DNASE2B: variants seen among roughly 807,000 people sequenced by gnomAD.
DNASE2B encodes deoxyribonuclease-2-beta.
A neutral mutation model predicts 46.0 loss-of-function variants in DNASE2B; 43 were observed. That is an observed-to-expected ratio of 0.94 (90% CI 0.73 to 1.21). The LOEUF is 1.21. DNASE2B is among the 50% of genes most tolerant of loss of function. The pLI is 0.00. For missense variants in DNASE2B, 395 were observed against 414.4 expected (o/e 0.95, Z 0.41); for synonymous variants, 156 against 152.5 (o/e 1.02, Z -0.17).
intron 1 of DNASE2B, among the ~76,000 whole-genome samples, chr1:84,400,323 G>A (rs955489415): frequency 1.3e-5 from 2 of 152,018 alleles, no homozygotes; most frequent in Admixed American, 6.6e-5. Context: ...AACCAAGATC[G>A]TGCCATTGCA....
At position 84,398,916 on chromosome 1, in the gene DNASE2B, C is replaced by T. The variant is rs187238151; in HGVS notation, c.125+227C>T. On this transcript the variant is annotated intron_variant, in intron 1 of 5. Coordinates refer to ENST00000370665, the MANE Select transcript of DNASE2B (RefSeq NM_021233.3). ...AGCAGCCCCTCTTGGGCCTGATTCA[C>T]TGTTCTCAGCGGGGCAAGGCTGGTA... 3.1e-3 allele frequency among the ~76,000 whole-genome samples: 474 copies of T among 152,346 alleles called. 1 individual carries two copies. The highest frequency in any genetic ancestry group is 5.1e-3 in the Non-Finnish European group (350 of 68,040).
intron 1 of DNASE2B, among the ~76,000 whole-genome samples, chr1:84,400,236 C>T (rs1558496427): frequency 1.3e-5 from 2 of 152,036 alleles, no homozygotes; most frequent in Non-Finnish European, 2.9e-5. Context: ...GGCATGGTGA[C>T]GCATGCCTGT....
At position 84,414,721 on chromosome 1, in the gene DNASE2B, G is replaced by A. The variant is rs766122330; in HGVS notation, c.939G>A (p.Lys313=). 33 of 1,614,036 alleles carry A rather than the reference G, an allele frequency of 2.0e-5. No homozygotes were observed. Among genetic ancestry groups the A allele is most frequent in the Non-Finnish European group, 2.7e-5 (32 of 1,180,026 alleles). ...ATGCCAAGTGGTGTATTTCCCAAAA[G>A]GGCACCAAAAATCGCTGGACATGTA... is the stretch of plus-strand genomic sequence containing the variant. The part of the protein sequence containing the change: ...QDHAKWCISQ[K]GTKNRWTCIG... The change falls in exon 6 of 6, where the codon AAG becomes AAA. Residue 313 remains lysine (K), a synonymous_variant. Transcript: ENST00000370665.
At chr1:84,404,416 C>T (rs945719735) in intron 2 of DNASE2B, among the ~76,000 whole-genome samples, 1 of 152,182 alleles carries the variant, frequency 6.6e-6, no homozygotes, top group East Asian at 1.9e-4. Context: ...TTGTTTTGGG[C>T]TTGATGGCTT....
intron 5 of DNASE2B, 90 bp from the exon 6 acceptor site, chr1:84,414,438 T>C (rs1680656676): frequency 8.9e-7 from 1 of 1,129,694 alleles, no homozygotes; most frequent in Non-Finnish European, 1.2e-6. Context: ...ATATCAGGGG[T>C]GAAAGATGAT....
chr1:84,411,076 C>T, intron 4 of DNASE2B, 77 bp downstream of exon 4: 1 of 1,443,014 alleles, frequency 6.9e-7, no homozygotes, highest in Non-Finnish European at 9.5e-7. Flanking sequence ...ATAAATGTGT[C>T]ACTTCATTTG....
intron 1 of DNASE2B, 93 bp from the exon 2 acceptor site, chr1:84,401,808 G>T (rs3754275): frequency 0.043 from 42,737 of 1,003,336 alleles, 1,100 homozygotes; most frequent in African/African-American, 0.099. Flanking sequence ...CCATGAAACA[G>T]AAATGAGAGA....
intron 4 of DNASE2B, among the ~76,000 whole-genome samples, chr1:84,412,112 A>G (rs1251277249): frequency 6.6e-6 from 1 of 152,248 alleles, no homozygotes; most frequent in Admixed American, 6.5e-5. Context: ...GTTTGCTGTG[A>G]GGATTAAATG....
chr1:84,403,616 G>A (rs905599552), intron 2 of DNASE2B, among the ~76,000 whole-genome samples: 1 of 150,900 alleles, frequency 6.6e-6, no homozygotes, highest in Non-Finnish European at 1.5e-5. Flanking sequence ...AAGAGAGGCA[G>A]GCATACTCAG....
At chr1:84,400,522 G>A (rs1428791096) in intron 1 of DNASE2B, among the ~76,000 whole-genome samples, 2 of 152,184 alleles carry the variant, frequency 1.3e-5, no homozygotes, top group Admixed American at 6.5e-5. Context: ...CGGAGTTGGG[G>A]GTTAATGGGA....
intron 4 of DNASE2B, among the ~76,000 whole-genome samples, chr1:84,411,425 GGTGTGTGTGTGTGT>G (rs71097845): frequency 0.041 from 5,719 of 139,222 alleles, 167 homozygotes; most frequent in Non-Finnish European, 0.056. Flanking sequence ...AGAAACCTAG[GGTGTGTGTGTGTGT>G]GTGTGTGTGT....
chr1:84,403,805 T>C (rs1680457360), intron 2 of DNASE2B, among the ~76,000 whole-genome samples: 1 of 152,084 alleles, frequency 6.6e-6, no homozygotes, highest in African/African-American at 2.4e-5. Flanking sequence ...TTTTTTCTTT[T>C]GAGACAGGAT....
chr1:84,409,788 G>A (rs1478757856), intron 3 of DNASE2B, among the ~76,000 whole-genome samples: 1 of 152,158 alleles, frequency 6.6e-6, no homozygotes, highest in Admixed American at 6.6e-5. Flanking sequence ...AAGTGGAGGG[G>A]TTCTCTTGGC....
chr1:84,412,885 C>G (rs1455319411), intron 5 of DNASE2B, among the ~76,000 whole-genome samples: 1 of 151,996 alleles, frequency 6.6e-6, no homozygotes, highest in Non-Finnish European at 1.5e-5. Context: ...TGCACCCTCA[C>G]TCATGGCTTC....
intron 2 of DNASE2B, among the ~76,000 whole-genome samples, chr1:84,403,421 A>G (rs1680452928): frequency 1.3e-5 from 2 of 152,350 alleles, no homozygotes; most frequent in African/African-American, 4.8e-5. Flanking sequence ...AATGTTATTA[A>G]GAGAATCATT....
chr1:84,408,475 C>T lies in DNASE2B; in HGVS notation c.342C>T (p.Val114=). Reference sequence around the variant, plus strand: ...CCTATCTAATATACAATGATGGAGTCCCTAAACCTGTGAATTACAGCAGAA... The same window carrying T: ...CCTATCTAATATACAATGATGGAGTTCCTAAACCTGTGAATTACAGCAGAA... ...NTAYLIYNDG[V]PKPVNYSRKY... The change falls in exon 3 of 6, where the codon GTC becomes GTT. Residue 114 remains valine, a synonymous_variant. Coordinates refer to ENST00000370665, the MANE Select transcript of DNASE2B (RefSeq NM_021233.3). 1.2e-6 allele frequency: 2 copies of T among 1,611,262 alleles called. No homozygotes were observed. Among genetic ancestry groups the T allele is most frequent in the Non-Finnish European group, 1.7e-6 (2 of 1,178,426 alleles).
At chr1:84,404,043 G>A (rs997429611) in intron 2 of DNASE2B, among the ~76,000 whole-genome samples, 29 of 147,872 alleles carry the variant, frequency 2.0e-4, no homozygotes, top group Non-Finnish European at 4.3e-4. Context: ...CTGGACTCAA[G>A]CAATCCACCC....
chr1:84,408,667 T>G (rs1448471501), intron 3 of DNASE2B, 149 bp downstream of exon 3: 2 of 541,938 alleles, frequency 3.7e-6, no homozygotes, highest in Non-Finnish European at 5.9e-6. Context: ...GACTTCTATA[T>G]CACTGGTTAT....
chr1:84,413,155 A>G (rs1680632646), intron 5 of DNASE2B, among the ~76,000 whole-genome samples: 1 of 151,884 alleles, frequency 6.6e-6, no homozygotes, highest in African/African-American at 2.4e-5. Flanking sequence ...ACATACAAAC[A>G]TGCCTAAAAA....
Sources: gnomAD v4.1 joint callset for allele counts (sites outside exome capture counted in the v4.1 genomes callset) on GRCh38, gnomAD v4.1.1 for gene constraint, MANE v1.5 for transcripts, NCBI Gene and HGNC (gene_info 2026-07-23, HGNC 2026-07-21) for gene names.